Variants in KAT2B observed in about 807,000 individuals in gnomAD.
KAT2B encodes the protein lysine acetyltransferase 2B.
Under a neutral mutation model 105.9 loss-of-function variants are expected in KAT2B, and 36 were observed. The ratio of observed to expected loss-of-function variants is 0.34; its 90% confidence interval spans 0.26 to 0.45. The LOEUF (loss-of-function observed/expected upper bound fraction) is 0.45. Ranked by LOEUF, KAT2B falls within the 20% of genes least tolerant of loss-of-function variation. The probability of loss-of-function intolerance (pLI) is 1.00; values close to 1 mark genes in which losing one functional copy is unlikely to be tolerated. For missense variants in KAT2B, 820 were observed against 1,021.6 expected (o/e 0.80, Z 2.69); for synonymous variants, 397 against 377.9 (o/e 1.05, Z -0.59).
rs200560854 is a variant in KAT2B at position 20,072,391 on chromosome 3, C to A, written c.362C>A (p.Pro121His). ...WKNPNPSPTP[P>H]RADLQQIIVS... Reference sequence around the variant, plus strand: ...AACCCTAACCCCTCACCCACTCCCCCCAGAGCCGACCTGCAGCAAATAATT... The same window carrying A: ...AACCCTAACCCCTCACCCACTCCCCACAGAGCCGACCTGCAGCAAATAATT... The change falls in exon 2 of 18, where the codon CCC (proline) becomes CAC (histidine). Residue 121 changes from proline to histidine, a missense_variant. Pro to His is a moderately conservative substitution (Grantham distance 77, BLOSUM62 -2). This residue lies in a region of KAT2B where 190 missense variants were observed against 176.7 expected (regional missense o/e 1.08). Coordinates refer to ENST00000263754, the MANE Select transcript of KAT2B (RefSeq NM_003884.5). 19 of 1,613,264 alleles carry A rather than the reference C, an allele frequency of 1.2e-5. No individual in the cohort carries two copies. The highest frequency in any genetic ancestry group is 4.4e-5 in the South Asian group (4 of 91,064).
chr3:20,046,882 G>A (rs1697820649), intron 1 of KAT2B, among the ~76,000 whole-genome samples: 1 of 152,094 alleles, frequency 6.6e-6, no homozygotes, highest in South Asian at 2.1e-4. Context: ...TTGGGAGGAG[G>A]GAATGCAACT....
chr3:20,052,656 A>G (rs1283148109), intron 1 of KAT2B, among the ~76,000 whole-genome samples: 1 of 150,728 alleles, frequency 6.6e-6, no homozygotes, highest in Non-Finnish European at 1.5e-5. Flanking sequence ...ATCTCTTAAA[A>G]AAAAGAAAAA....
At chr3:20,081,717 G>A (rs1449195324) in intron 2 of KAT2B, among the ~76,000 whole-genome samples, 1 of 151,916 alleles carries the variant, frequency 6.6e-6, no homozygotes, top group Non-Finnish European at 1.5e-5. Flanking sequence ...ATTCTTTAAT[G>A]ATCAAATTCA....
rs3062235 is a variant in KAT2B at position 20,096,949 on chromosome 3, AAGAGAG to A, written c.576+1559_576+1564del. Among the ~76,000 whole-genome samples, 486 of 150,250 alleles carry A rather than the reference AAGAGAG, an allele frequency of 3.2e-3. 2 individuals carry two copies. Among genetic ancestry groups the A allele is most frequent in the African/African-American group, 0.01 (409 of 40,816 alleles). ...ATTAACTTTAAAAAGAATAATAGGA[AAGAGAG>A]AGAGAGAGAGAGAGAGAAAGAGAGT... On this transcript the variant is annotated intron_variant, in intron 3 of 17. Transcript: ENST00000263754.
At chr3:20,121,443 A>G (rs542420377) in intron 8 of KAT2B, among the ~76,000 whole-genome samples, 35 of 152,266 alleles carry the variant, frequency 2.3e-4, no homozygotes, top group African/African-American at 7.9e-4. Context: ...TAGAAAGGAG[A>G]AAAAAACTAC....
chr3:20,149,798 T>C (rs1019604156), intron 17 of KAT2B, among the ~76,000 whole-genome samples: 1 of 152,138 alleles, frequency 6.6e-6, no homozygotes, highest in Non-Finnish European at 1.5e-5. Flanking sequence ...GGAAGGCTGA[T>C]TTGGGAATCA....
intron 1 of KAT2B, among the ~76,000 whole-genome samples, chr3:20,048,107 T>G (rs1255422917): frequency 6.6e-6 from 1 of 152,194 alleles, no homozygotes; most frequent in African/African-American, 2.4e-5. Context: ...GTTTATTGCA[T>G]ACAATTGTAT....
In KAT2B at chr3:20,072,466, T is replaced by C. The variant is rs1210998408; in HGVS notation, c.430+7T>C. ...AGTTGTAGCCATGCCCTAGGTGAGTTCCTAAATCTTCAAGGAAAGTATAAC... is the reference window on the plus strand; with the variant it reads ...AGTTGTAGCCATGCCCTAGGTGAGTCCCTAAATCTTCAAGGAAAGTATAAC... On this transcript the variant is annotated splice_region_variant and intron_variant, in intron 2 of 17. Coordinates refer to ENST00000263754, the MANE Select transcript of KAT2B (RefSeq NM_003884.5). 3.1e-6 allele frequency: 5 copies of C among 1,612,788 alleles called. No individual in the cohort carries two copies. The highest frequency in any genetic ancestry group is 4.2e-6 in the Non-Finnish European group (5 of 1,178,986).
intron 13 of KAT2B, among the ~76,000 whole-genome samples, chr3:20,145,102 T>G (rs1166665318): frequency 6.6e-6 from 1 of 152,218 alleles, no homozygotes; most frequent in Non-Finnish European, 1.5e-5. Flanking sequence ...TGGCCAATCC[T>G]CTGATTTTCA....
chr3:20,105,639 G>A (rs571341151), intron 5 of KAT2B, among the ~76,000 whole-genome samples: 1 of 151,726 alleles, frequency 6.6e-6, no homozygotes, highest in African/African-American at 2.4e-5. Flanking sequence ...AAACTAGCTG[G>A]GTGTGGTGGC....
chr3:20,139,091 G>A (rs568374512), intron 12 of KAT2B, among the ~76,000 whole-genome samples: 1 of 151,654 alleles, frequency 6.6e-6, no homozygotes, highest in Admixed American at 6.6e-5. Context: ...TAGAGATGGT[G>A]AGGGGTTGGG....
At chr3:20,126,563 C>T (rs1699408266) in intron 10 of KAT2B, among the ~76,000 whole-genome samples, 2 of 151,428 alleles carry the variant, frequency 1.3e-5, no homozygotes. Context: ...TGGCTCATGC[C>T]TGTAATCCCA....
chr3:20,131,470 G>A (rs952944784), intron 11 of KAT2B, among the ~76,000 whole-genome samples: 2 of 152,166 alleles, frequency 1.3e-5, no homozygotes, highest in South Asian at 2.1e-4. Flanking sequence ...CAACATGGAA[G>A]CACTTCTTCA....
intron 1 of KAT2B, among the ~76,000 whole-genome samples, chr3:20,056,702 G>A (rs915025788): frequency 2.6e-5 from 4 of 152,172 alleles, no homozygotes; most frequent in African/African-American, 7.2e-5. Flanking sequence ...TGAATTTCAG[G>A]TAGAAAATTT....
intron 17 of KAT2B, 122 bp from the exon 18 acceptor site, chr3:20,152,210 A>ACC (rs1353093664): frequency 1.7e-6 from 1 of 579,406 alleles, no homozygotes; most frequent in Non-Finnish European, 2.9e-6. Context: ...CTCTTAAATA[A>ACC]AAGCATTGGG....
chr3:20,116,083 T>C (rs1250542898), intron 7 of KAT2B, among the ~76,000 whole-genome samples: 1 of 150,568 alleles, frequency 6.6e-6, no homozygotes, highest in African/African-American at 2.4e-5. Context: ...TTTGTGTCCT[T>C]TTTTTTTTTC....
At chr3:20,095,701 T>C (rs1012778676) in intron 3 of KAT2B, among the ~76,000 whole-genome samples, 2 of 152,352 alleles carry the variant, frequency 1.3e-5, no homozygotes, top group Admixed American at 6.5e-5. Flanking sequence ...CTGTTCTGCA[T>C]GTGGCACTAA....
chr3:20,083,297 A>T (rs917797044), intron 2 of KAT2B, among the ~76,000 whole-genome samples: 1 of 152,194 alleles, frequency 6.6e-6, no homozygotes, highest in East Asian at 1.9e-4. Context: ...ATAGAGGCCT[A>T]TCTCTTTAAG....
chr3:20,141,796 T>TA (rs974306449), intron 13 of KAT2B, among the ~76,000 whole-genome samples: 2 of 151,654 alleles, frequency 1.3e-5, no homozygotes, highest in African/African-American at 4.9e-5. Flanking sequence ...CTTTTTTTTT[T>TA]TTTTGGAAAA....
Sources: allele counts gnomAD v4.1 joint callset (sites outside exome capture counted in the v4.1 genomes callset), GRCh38; gene constraint gnomAD v4.1.1; regional missense constraint gnomAD v4.1.1; transcripts MANE v1.5; gene names NCBI Gene and HGNC (gene_info 2026-07-23, HGNC 2026-07-21).